Variants in DMRT1 observed in about 807,000 individuals in gnomAD.
DMRT1 encodes doublesex and mab-3 related transcription factor 1.
In DMRT1, 7 loss-of-function variants were observed where a neutral mutation model predicts 32.3. That is an observed-to-expected ratio of 0.22 (90% CI 0.12 to 0.41). DMRT1 has a LOEUF of 0.41. Among genes scored for constraint, DMRT1 ranks in the 10% least tolerant of loss-of-function variants. The probability of loss-of-function intolerance (pLI) is 1.00; values close to 1 mark genes in which losing one functional copy is unlikely to be tolerated. For missense variants in DMRT1, 625 were observed against 500.5 expected, an observed-to-expected ratio of 1.25 and a Z score of -2.37; for synonymous variants, 278 against 206.1, an observed-to-expected ratio of 1.35 and a Z score of -2.99.
At chr9:877,280 T>A (rs1214037874) in intron 2 of DMRT1, among the ~76,000 whole-genome samples, 1 of 152,170 alleles carries the variant, frequency 6.6e-6, no homozygotes. Flanking sequence ...AGGATATACA[T>A]ACACTCTGCT....
chr9:891,482 C>T (rs558845294), intron 2 of DMRT1, among the ~76,000 whole-genome samples: 47 of 150,424 alleles, frequency 3.1e-4, no homozygotes, highest in South Asian at 2.1e-3. Context: ...AAAAGTGAAA[C>T]GACAAGATCT....
chr9:859,446 G>A (rs1012679307), intron 2 of DMRT1, among the ~76,000 whole-genome samples: 2 of 152,106 alleles, frequency 1.3e-5, no homozygotes, highest in Admixed American at 6.6e-5. Flanking sequence ...GTCCCCTGGG[G>A]CTCTCAGTGC....
chr9:892,260 C>T (rs568240963), intron 2 of DMRT1, among the ~76,000 whole-genome samples: 1 of 152,258 alleles, frequency 6.6e-6, no homozygotes, highest in African/African-American at 2.4e-5. Flanking sequence ...TTTCACGCTC[C>T]AGGTCTTGGC....
chr9:878,200 G>GCCTCCC (rs1816584669), intron 2 of DMRT1, among the ~76,000 whole-genome samples: 1 of 94,040 alleles, frequency 1.1e-5, no homozygotes, highest in African/African-American at 4.3e-5. Context: ...TGCAGCTGCT[G>GCCTCCC]CCCCCCCCCC....
chr9:932,437 C>G (rs896427946), intron 4 of DMRT1, among the ~76,000 whole-genome samples: 5 of 152,178 alleles, frequency 3.3e-5, no homozygotes, highest in Non-Finnish European at 7.3e-5. Context: ...CATTCATGAA[C>G]TATCTAATGT....
chr9:909,697 A>G (rs1817903931), intron 3 of DMRT1, among the ~76,000 whole-genome samples: 1 of 130,546 alleles, frequency 7.7e-6, no homozygotes, highest in Non-Finnish European at 1.6e-5. Flanking sequence ...CCACATATGA[A>G]TACCAAGGGA....
intron 2 of DMRT1, among the ~76,000 whole-genome samples, chr9:890,599 A>C (rs139498769): frequency 5.2e-4 from 79 of 152,108 alleles, no homozygotes; most frequent in Middle Eastern, 6.8e-3. Context: ...TTTCCCACAC[A>C]CTCAGCCAGT....
intron 2 of DMRT1, among the ~76,000 whole-genome samples, chr9:862,988 G>A (rs1030369014): frequency 6.6e-6 from 1 of 151,930 alleles, no homozygotes; most frequent in African/African-American, 2.4e-5. Flanking sequence ...TGGATTTTCC[G>A]GATGGGCACA....
intron 4 of DMRT1, among the ~76,000 whole-genome samples, chr9:947,730 A>G (rs1209204988): frequency 6.6e-6 from 1 of 152,030 alleles, no homozygotes; most frequent in African/African-American, 2.4e-5. Context: ...CAACCCCTTC[A>G]CTTTAGATGT....
chr9:876,857 CA>C (rs532080790), intron 2 of DMRT1, among the ~76,000 whole-genome samples: 246 of 152,158 alleles, frequency 1.6e-3, no homozygotes, highest in African/African-American at 5.7e-3. Flanking sequence ...GTCTATCAGC[CA>C]GACTCCACGG....
chr9:894,526 G>C, intron 3 of DMRT1: 1 of 374,040 alleles, frequency 2.7e-6, no homozygotes, highest in Non-Finnish European at 5.1e-6. Flanking sequence ...TAAATAACCA[G>C]TTGGGCACAG....
intron 3 of DMRT1, among the ~76,000 whole-genome samples, chr9:902,428 C>G (rs1254982191): frequency 6.6e-6 from 1 of 151,296 alleles, no homozygotes; most frequent in Non-Finnish European, 1.5e-5. Flanking sequence ...CTCCCTTTAG[C>G]AATTATGTGG....
At chr9:843,302 C>T (rs1838770070) in intron 1 of DMRT1, among the ~76,000 whole-genome samples, 1 of 152,234 alleles carries the variant, frequency 6.6e-6, no homozygotes, top group Non-Finnish European at 1.5e-5. Flanking sequence ...CACAGCGTTG[C>T]GCGGTTTCCC....
intron 2 of DMRT1, among the ~76,000 whole-genome samples, chr9:871,992 A>G (rs983790415): frequency 2.0e-5 from 3 of 151,578 alleles, no homozygotes; most frequent in Middle Eastern, 3.4e-3. Flanking sequence ...AGTAAATAGG[A>G]AGCAGACTTT....
chr9:872,355 C>A (rs1241725546), intron 2 of DMRT1, among the ~76,000 whole-genome samples: 1 of 152,200 alleles, frequency 6.6e-6, no homozygotes, highest in Non-Finnish European at 1.5e-5. Context: ...GCCAGTGCGC[C>A]CGGCCAAAAC....
intron 4 of DMRT1, among the ~76,000 whole-genome samples, chr9:934,567 T>C (rs1818825798): frequency 6.6e-6 from 1 of 152,152 alleles, no homozygotes; most frequent in South Asian, 2.1e-4. Context: ...AAAAGAGAAG[T>C]CATTGCCAAA....
chr9:862,243 C>T lies in DMRT1; in HGVS notation c.538+15100C>T, dbSNP rs534926846. ...CACTGAGTGAGCGAGACTCCGTCTG[C>T]ACTCCCGGCACCTCGGGAGGCCGAG... is the stretch of plus-strand genomic sequence containing the variant. On this transcript the variant is annotated intron_variant, in intron 2 of 4. Transcript: ENST00000382276. Among the ~76,000 whole-genome samples, 228 of 152,210 alleles carry T rather than the reference C, an allele frequency of 1.5e-3. 1 individual carries two copies. Among genetic ancestry groups the T allele is most frequent in the African/African-American group, 5.3e-3 (221 of 41,542 alleles).
chr9:861,019 A>C (rs1225321908), intron 2 of DMRT1, among the ~76,000 whole-genome samples: 1 of 151,518 alleles, frequency 6.6e-6, no homozygotes, highest in East Asian at 1.9e-4. Flanking sequence ...TTAACTATTA[A>C]AGCAGTGAAT....
chr9:928,721 A>T (rs1362142965), intron 4 of DMRT1, among the ~76,000 whole-genome samples: 1 of 152,262 alleles, frequency 6.6e-6, no homozygotes, highest in African/African-American at 2.4e-5. Flanking sequence ...GATAAAATGT[A>T]GGACACTCAG....
Sources: allele counts gnomAD v4.1 joint callset (sites outside exome capture counted in the v4.1 genomes callset), GRCh38; gene constraint gnomAD v4.1.1; transcripts MANE v1.5; gene names NCBI Gene and HGNC (gene_info 2026-07-23, HGNC 2026-07-21).